Variants in MED20 observed in about 807,000 individuals in gnomAD.
The protein encoded by MED20 is mediator complex subunit 20, also known as mediator of RNA polymerase II transcription subunit 20.
In MED20, 19 loss-of-function variants were observed where a neutral mutation model predicts 19.7. That is an observed-to-expected ratio of 0.96 (90% CI 0.67 to 1.42). The LOEUF (loss-of-function observed/expected upper bound fraction) is 1.42, where lower values mean the gene tolerates loss of function less well. Among genes scored for constraint, MED20 ranks in the 40% most tolerant of loss-of-function variants. MED20 has a pLI of 0.00. For synonymous variants in MED20, 105 were observed against 104.8 expected, an observed-to-expected ratio of 1.00 and a Z score of -0.01; for missense variants, 225 against 273.0, an observed-to-expected ratio of 0.82 and a Z score of 1.24.
chr6:41,914,308 C>T (rs1775262226), intron 2 of MED20, among the ~76,000 whole-genome samples: 1 of 152,214 alleles, frequency 6.6e-6, no homozygotes. Context: ...ACACTGTGGG[C>T]TTCCTTTCTC....
intron 1 of MED20, 66 bp downstream of exon 1, chr6:41,920,939 T>G (rs1359057161): frequency 2.5e-6 from 4 of 1,576,412 alleles, no homozygotes; most frequent in Non-Finnish European, 3.5e-6. Flanking sequence ...CGGACCATGG[T>G]CAAGGTCCTC....
chr6:41,909,069 G>C, intron 3 of MED20, 200 bp downstream of exon 3: 1 of 667,604 alleles, frequency 1.5e-6, no homozygotes, highest in East Asian at 2.7e-5. Context: ...AGGTACTTGG[G>C]AGACTGAGGC....
chr6:41,911,309 C>A (rs1351976408), intron 2 of MED20, among the ~76,000 whole-genome samples: 2 of 151,788 alleles, frequency 1.3e-5, no homozygotes, highest in Non-Finnish European at 2.9e-5. Context: ...AGCCACCACA[C>A]CTGGCTAATT....
In MED20 at chr6:41,909,289, C is replaced by T. The variant is rs1485510889; in HGVS notation, c.403G>A (p.Ala135Thr). 1.2e-6 allele frequency: 2 copies of T among 1,614,112 alleles called. No individual in the cohort carries two copies. Among genetic ancestry groups the T allele is most frequent in the Admixed American group, 1.7e-5 (1 of 60,016 alleles). Reference sequence around the variant, plus strand: ...CTTACCTCCACAGAGATGCCCCGGGCACTGGGCCCCATTGTGACCGTGCCC... The same window carrying T: ...CTTACCTCCACAGAGATGCCCCGGGTACTGGGCCCCATTGTGACCGTGCCC... ...KVGTVTMGPSARGISVEVEYG... is the reference protein window; with the variant it reads ...KVGTVTMGPSTRGISVEVEYG... The change falls in exon 3 of 4, where the codon GCC becomes ACC. Residue 135 changes from alanine (A) to threonine (T), a missense_variant. Coordinates refer to ENST00000265350, the MANE Select transcript of MED20 (RefSeq NM_004275.5).
Position 41,909,044 on chromosome 6 carries a change from G to A in MED20, c.423+225C>T, listed in dbSNP as rs374020742. The A allele has an allele frequency of 4.1e-4, 219 of 530,198 alleles. No homozygotes were observed. The East Asian group carries it at 5.2e-3, about 13-fold the overall frequency. The allele number at this position is 530,198 out of a possible 1,614,324, so 32.8% of individuals were successfully genotyped here. On this transcript the variant is annotated intron_variant, in intron 3 of 3. Coordinates refer to ENST00000265350, the MANE Select transcript of MED20 (RefSeq NM_004275.5). ...CTAAAAAAAAAAAAAAATTTAATTC[G>A]GTGGGTGTAGTCCCAGGTACTTGGG...
chr6:41,909,552 C>A, intron 2 of MED20, 30 bp from the exon 3 acceptor site: 1 of 1,606,276 alleles, frequency 6.2e-7, no homozygotes, highest in Non-Finnish European at 8.5e-7. Flanking sequence ...TATTCATCAT[C>A]AAGACTTTCA....
intron 2 of MED20, 109 bp downstream of exon 2, chr6:41,916,676 A>G (rs961159538): frequency 4.2e-5 from 57 of 1,353,192 alleles, no homozygotes; most frequent in Non-Finnish European, 5.6e-5. Context: ...ATCTCGCCAC[A>G]TGTTTAAGAA....
rs151319098 is a variant in MED20, at chr6:41,906,017, A to C, written c.*1055T>G. The C allele has an allele frequency of 4.6e-5, 7 of 152,366 alleles. 1 individual carries two copies. In the East Asian group the frequency reaches 1.3e-3, roughly 29 times the overall value. The allele number at this position is 152,366 out of a possible 1,614,324, so 9.4% of individuals were successfully genotyped here. ...TAACTGCAAAATAACAGCCAAAAGCATTCCTGGGCACGTCCATTGAGCTCC... is the reference window on the plus strand; with the variant it reads ...TAACTGCAAAATAACAGCCAAAAGCCTTCCTGGGCACGTCCATTGAGCTCC... On this transcript the variant is annotated 3_prime_UTR_variant, in exon 4 of 4. Coordinates refer to ENST00000265350, the MANE Select transcript of MED20 (RefSeq NM_004275.5).
Position 41,906,237 on chromosome 6 carries a change from TTCTC to T in MED20, c.*831_*834del, listed in dbSNP as rs1047794599. On this transcript the variant is annotated 3_prime_UTR_variant, in exon 4 of 4. Coordinates refer to ENST00000265350, the MANE Select transcript of MED20 (RefSeq NM_004275.5). ...TATCTTTTTTTTAAAATCTGCTCTT[TTCTC>T]TCTCTCTTTCCCCAGTGGAATGCAG... 1.3e-5 allele frequency: 2 copies of T among 152,182 alleles called. No homozygotes were observed. Among genetic ancestry groups the T allele is most frequent in the Non-Finnish European group, 2.9e-5 (2 of 68,030 alleles). 9.4% of individuals were successfully genotyped at this position (152,182 alleles called of 1,614,324 possible). A position where few individuals can be genotyped will look rare whatever the true frequency, so the allele number is the denominator to read the frequency against.
At chr6:41,907,678 G>A (rs914131174) in intron 3 of MED20, among the ~76,000 whole-genome samples, 2 of 152,166 alleles carry the variant, frequency 1.3e-5, no homozygotes, top group Non-Finnish European at 2.9e-5. Context: ...GGTAAGTAGA[G>A]AGTAGAGTGG....
intron 3 of MED20, chr6:41,909,040 A>G: frequency 1.9e-6 from 1 of 531,300 alleles, no homozygotes. Flanking sequence ...AAAAAATTTA[A>G]TTCGGTGGGT....
rs747059770 is a variant in MED20 at position 41,906,466 on chromosome 6, T to A, written c.*606A>T. On this transcript the variant is annotated 3_prime_UTR_variant, in exon 4 of 4. Coordinates refer to ENST00000265350, the MANE Select transcript of MED20 (RefSeq NM_004275.5). Reference sequence around the variant, plus strand: ...CAGTTTGGCCTGTGGCTTAACATATTTCACAACAGAAGGGAAAGATGTCAG... The same window carrying A: ...CAGTTTGGCCTGTGGCTTAACATATATCACAACAGAAGGGAAAGATGTCAG... 2 of 152,604 alleles carry A rather than the reference T, an allele frequency of 1.3e-5. No individual in the cohort carries two copies. The highest frequency in any genetic ancestry group is 2.9e-5 in the Non-Finnish European group (2 of 68,346). 9.5% of individuals were successfully genotyped at this position (152,604 alleles called of 1,614,324 possible). A position where few individuals can be genotyped will look rare whatever the true frequency, so the allele number is the denominator to read the frequency against.
At chr6:41,917,144 G>A (rs1278804110) in intron 1 of MED20, among the ~76,000 whole-genome samples, 1 of 152,150 alleles carries the variant, frequency 6.6e-6, no homozygotes, top group Non-Finnish European at 1.5e-5. Flanking sequence ...GCTCATGCCT[G>A]TAATACCAGC....
chr6:41,910,574 G>A (rs1775166215), intron 2 of MED20, among the ~76,000 whole-genome samples: 1 of 151,238 alleles, frequency 6.6e-6, no homozygotes, highest in Non-Finnish European at 1.5e-5. Flanking sequence ...AGAGGTTGCA[G>A]TGAGTTGAGA....
intron 1 of MED20, among the ~76,000 whole-genome samples, chr6:41,919,175 A>G (rs1252823689): frequency 6.6e-6 from 1 of 151,684 alleles, no homozygotes; most frequent in Non-Finnish European, 1.5e-5. Context: ...GTACAGCACA[A>G]AGAGGTTAAA....
At chr6:41,919,599 C>A (rs988878903) in intron 1 of MED20, among the ~76,000 whole-genome samples, 13 of 152,148 alleles carry the variant, frequency 8.5e-5, no homozygotes, top group East Asian at 7.7e-4. Context: ...AGGGGGCCAA[C>A]AGAGAGCCCT....
At chr6:41,920,846 A>G in intron 1 of MED20, 159 bp downstream of exon 1, 1 of 857,446 alleles carries the variant, frequency 1.2e-6, no homozygotes, top group Non-Finnish European at 1.7e-6. Flanking sequence ...CTCTGAGGAA[A>G]CAAGCCCGGG....
At chr6:41,911,176 A>C (rs1775185112) in intron 2 of MED20, among the ~76,000 whole-genome samples, 1 of 148,262 alleles carries the variant, frequency 6.7e-6, no homozygotes, top group Admixed American at 6.7e-5. Flanking sequence ...TTTGAGACAG[A>C]GTCTCACTCT....
chr6:41,906,431 G>A lies in MED20; in HGVS notation c.*641C>T, dbSNP rs777947816. 2.0e-5 allele frequency: 3 copies of A among 152,298 alleles called. No individual in the cohort carries two copies. Among genetic ancestry groups the A allele is most frequent in the Non-Finnish European group, 4.4e-5 (3 of 68,082 alleles). The allele number at this position is 152,298 out of a possible 1,614,324, so 9.4% of individuals were successfully genotyped here. A position where few individuals can be genotyped will look rare whatever the true frequency, so the allele number is the denominator to read the frequency against. On this transcript the variant is annotated 3_prime_UTR_variant, in exon 4 of 4. Transcript: ENST00000265350. ...ATTAGGTGAGAAAAAAACAAACTTCGATCTTATAGCAGTTTGGCCTGTGGC... is the reference window on the plus strand; with the variant it reads ...ATTAGGTGAGAAAAAAACAAACTTCAATCTTATAGCAGTTTGGCCTGTGGC...
Sources: allele counts gnomAD v4.1 joint callset (sites outside exome capture counted in the v4.1 genomes callset), GRCh38; gene constraint gnomAD v4.1.1; transcripts MANE v1.5; gene names NCBI Gene and HGNC (gene_info 2026-07-23, HGNC 2026-07-21).